NPAS3: variants seen among roughly 807,000 people sequenced by gnomAD.
NPAS3 encodes neuronal PAS domain-containing protein 3.
Under a neutral mutation model 73.1 loss-of-function variants are expected in NPAS3, and 14 were observed. That is an observed-to-expected ratio of 0.19 (90% CI 0.13 to 0.30). The LOEUF is 0.30. Among genes scored for constraint, NPAS3 ranks in the 10% least tolerant of loss-of-function variants. The pLI is 1.00. For missense variants in NPAS3, 1,096 were observed against 1,250.0 expected (o/e 0.88, Z 1.86); for synonymous variants, 620 against 541.5 (o/e 1.14, Z -2.01).
At chr14:33,297,450 A>G (rs2042347364) in intron 3 of NPAS3, among the ~76,000 whole-genome samples, 1 of 152,206 alleles carries the variant, frequency 6.6e-6, no homozygotes, top group Non-Finnish European at 1.5e-5. Flanking sequence ...CCATAATGAA[A>G]AAAGGGAGAC....
chr14:33,373,011 C>T (rs921005914), intron 4 of NPAS3, among the ~76,000 whole-genome samples: 3 of 152,104 alleles, frequency 2.0e-5, no homozygotes, highest in Non-Finnish European at 2.9e-5. Flanking sequence ...TGTTACTTTT[C>T]CAATATAAGG....
At chr14:33,406,728 T>G (rs1035572744) in intron 4 of NPAS3, among the ~76,000 whole-genome samples, 5 of 152,148 alleles carry the variant, frequency 3.3e-5, no homozygotes, top group Non-Finnish European at 7.4e-5. Flanking sequence ...TAGTTTTTAC[T>G]CTGTGCTCAA....
chr14:33,743,367 T>C (rs988620802), intron 7 of NPAS3, among the ~76,000 whole-genome samples: 3 of 152,220 alleles, frequency 2.0e-5, no homozygotes, highest in African/African-American at 7.2e-5. Context: ...ACTAGGTGCA[T>C]TGTCAGTGAA....
rs1050992278 is a variant in NPAS3, at chr14:33,445,948, T to TTC, written c.468+78680_468+78681insTC. Among the ~76,000 whole-genome samples, 31 of 151,818 alleles carry TTC rather than the reference T, an allele frequency of 2.0e-4. No individual in the cohort carries two copies. The South Asian group carries it at 3.9e-3, about 19-fold the overall frequency. On this transcript the variant is annotated intron_variant, in intron 4 of 11. Transcript: ENST00000356141. The stretch of plus-strand genomic sequence containing the variant: ...AGTGTTGCACTTTTTTTTTTTTTTT[T>TTC]CAGAAGATCCAAATTTAACTGCTAT...
chr14:33,463,897 G>C (rs2050385990), intron 4 of NPAS3, among the ~76,000 whole-genome samples: 1 of 152,152 alleles, frequency 6.6e-6, no homozygotes, highest in Non-Finnish European at 1.5e-5. Context: ...AGTGGGGATG[G>C]GAGGTTTTTG....
intron 4 of NPAS3, among the ~76,000 whole-genome samples, chr14:33,517,879 T>C (rs1036143758): frequency 6.6e-6 from 1 of 152,046 alleles, no homozygotes; most frequent in African/African-American, 2.4e-5. Context: ...ATGCAATAGG[T>C]GCTCAGTAAA....
rs1470249123 is a variant in NPAS3 at position 33,778,233 on chromosome 14, C to G, written c.1047-233C>G. ...CTTAATGCCAAAGAAAGAGAAAAAC[C>G]TATCTAATTGTTGAAACACAATCGC... On this transcript the variant is annotated intron_variant, in intron 8 of 11. Coordinates refer to ENST00000356141, the Ensembl canonical transcript of NPAS3. 3.3e-5 allele frequency among the ~76,000 whole-genome samples: 5 copies of G among 152,140 alleles called. 1 individual carries two copies. The highest frequency in any genetic ancestry group is 2.6e-4 in the Admixed American group (4 of 15,274).
rs12893210 is a variant in NPAS3, at chr14:33,023,781, G to C, written c.51-32124G>C. Among the ~76,000 whole-genome samples the C allele has an allele frequency of 3.0e-3, 455 of 152,188 alleles. 4 individuals carry two copies. The highest frequency in any genetic ancestry group is 0.01 in the African/African-American group (420 of 41,532). ...ATATTGTATTACAATTGAGAGCCTA[G>C]ATTTGTTTGCTTATTGTGCATGTAT... On this transcript the variant is annotated intron_variant, in intron 1 of 11. Transcript: ENST00000356141.
chr14:33,609,432 G>T (rs1019008817), intron 5 of NPAS3, among the ~76,000 whole-genome samples: 18 of 152,074 alleles, frequency 1.2e-4, no homozygotes, highest in African/African-American at 4.3e-4. Context: ...AAAAGATTTT[G>T]TGGCTCATGG....
chr14:33,719,597 A>G (rs12431946), intron 6 of NPAS3, among the ~76,000 whole-genome samples: 58,689 of 152,086 alleles, frequency 0.39, 13,251 homozygotes, highest in Non-Finnish European at 0.51. Flanking sequence ...ATATATCCAC[A>G]CATTTAAAGA....
chr14:33,308,527 T>TATATATATATATATACAC, intron 3 of NPAS3, among the ~76,000 whole-genome samples: 35 of 103,728 alleles, frequency 3.4e-4, no homozygotes, highest in South Asian at 7.9e-4. Context: ...TATATATATA[T>TATATATATATATATACAC]ACATACACAC....
At chr14:33,365,689 A>C (rs1198320259) in intron 3 of NPAS3, among the ~76,000 whole-genome samples, 2 of 152,222 alleles carry the variant, frequency 1.3e-5, no homozygotes, top group Non-Finnish European at 2.9e-5. Context: ...GTCAGTAATA[A>C]TGATACTTAA....
intron 5 of NPAS3, among the ~76,000 whole-genome samples, chr14:33,567,276 A>G (rs1320434895): frequency 6.6e-6 from 1 of 152,212 alleles, no homozygotes; most frequent in African/African-American, 2.4e-5. Context: ...ATTAATTCTG[A>G]GTGAACAAGA....
intron 2 of NPAS3, among the ~76,000 whole-genome samples, chr14:33,095,021 C>T (rs1355741915): frequency 2.6e-5 from 4 of 152,128 alleles, no homozygotes; most frequent in Non-Finnish European, 4.4e-5. Context: ...GTAGAATTAC[C>T]ATTTTTATTT....
chr14:33,585,355 AT>A (rs1442843361), intron 5 of NPAS3, among the ~76,000 whole-genome samples: 1 of 152,208 alleles, frequency 6.6e-6, no homozygotes, highest in Non-Finnish European at 1.5e-5. Flanking sequence ...AATCTGAGAA[AT>A]CTAGAGGGAC....
chr14:32,975,301 C>CCTCCCCTCCTCCGTCA (rs2037610740), intron 1 of NPAS3, among the ~76,000 whole-genome samples: 1 of 116,226 alleles, frequency 8.6e-6, no homozygotes, highest in Non-Finnish European at 1.9e-5. Flanking sequence ...TCCCTCCCTC[C>CCTCCCCTCCTCCGTCA]CTCCCTGCCT....
rs10567527 is a variant in NPAS3 at position 33,789,583 on chromosome 14, C to CTTTTTTTTTTTTTTTTTT, written c.1154-4308_1154-4291dup. Among the ~76,000 whole-genome samples the CTTTTTTTTTTTTTTTTTT allele has an allele frequency of 3.2e-4, 30 of 92,410 alleles. 1 individual carries two copies. The highest frequency in any genetic ancestry group is 1.2e-3 in the African/African-American group (28 of 23,082). The allele number at this position is 92,410 out of a possible 152,430, so 60.6% of individuals were successfully genotyped here. On this transcript the variant is annotated intron_variant, in intron 9 of 11. Coordinates refer to ENST00000356141, the Ensembl canonical transcript of NPAS3. ...ACTAAAAGTAATTACTAGAGTACAA[C>CTTTTTTTTTTTTTTTTTT]TTTTTTTTTTTTTTTTTTTTTTTGA...
At chr14:33,595,654 C>G (rs973514032) in intron 5 of NPAS3, among the ~76,000 whole-genome samples, 5 of 151,954 alleles carry the variant, frequency 3.3e-5, no homozygotes, top group African/African-American at 9.7e-5. Flanking sequence ...ACCTTGATGC[C>G]TAAATATTTT....
chr14:33,675,183 C>A (rs1434119458), intron 5 of NPAS3, among the ~76,000 whole-genome samples: 2 of 151,890 alleles, frequency 1.3e-5, no homozygotes, highest in South Asian at 4.2e-4. Context: ...TGGGAAAGAG[C>A]TTTTGCTTGT....
Sources: gnomAD v4.1 joint callset for allele counts (sites outside exome capture counted in the v4.1 genomes callset) on GRCh38, gnomAD v4.1.1 for gene constraint, MANE v1.5 for transcripts, NCBI Gene and HGNC (gene_info 2026-07-23, HGNC 2026-07-21) for gene names.